The following GDAP2 variants were observed in gnomAD, a reference collection of about 807,000 sequenced individuals.
GDAP2 encodes ganglioside induced differentiation associated protein 2, also known as ganglioside-induced differentiation-associated protein 2.
Under a neutral mutation model 67.0 loss-of-function variants are expected in GDAP2, and 51 were observed. The observed-to-expected ratio is 0.76, with a 90% confidence interval of 0.61 to 0.96. GDAP2 has a LOEUF of 0.96. GDAP2 is among the 40% of genes least tolerant of loss of function. The pLI, the probability that GDAP2 is intolerant of heterozygous loss-of-function variation, is 0.00. For missense variants in GDAP2, 547 were observed against 588.3 expected (o/e 0.93, Z 0.73); for synonymous variants, 203 against 207.3 (o/e 0.98, Z 0.18).
chr1:117,899,777 G>C (rs567750718), intron 6 of GDAP2, among the ~76,000 whole-genome samples: 1 of 151,940 alleles, frequency 6.6e-6, no homozygotes, highest in Non-Finnish European at 1.5e-5. Flanking sequence ...ATACATTAAA[G>C]GCATGTAGTG....
chr1:117,870,214 GCAATGT>G lies in GDAP2; in HGVS notation c.*349_*354del. On this transcript the variant is annotated 3_prime_UTR_variant, in exon 14 of 14. Coordinates refer to ENST00000369443, the MANE Select transcript of GDAP2 (RefSeq NM_017686.4). ...TCACTTAAGTACACAAAGGAAGCGT[GCAATGT>G]TAGAGAGATGATGTGAACAGTCTTG... is the stretch of plus-strand genomic sequence containing the variant. 10 of 262,672 alleles carry G rather than the reference GCAATGT, an allele frequency of 3.8e-5. No individual in the cohort carries two copies. Among genetic ancestry groups the G allele is most frequent in the South Asian group, 1.1e-4 (2 of 17,396 alleles). The allele number at this position is 262,672 out of a possible 1,614,324, so 16.3% of individuals were successfully genotyped here.
intron 8 of GDAP2, among the ~76,000 whole-genome samples, chr1:117,890,520 C>T (rs975863241): frequency 1.1e-4 from 16 of 151,984 alleles, no homozygotes; most frequent in African/African-American, 2.7e-4. Flanking sequence ...TGAAAACACT[C>T]GCATAACTGG....
At chr1:117,924,461 C>A (rs984874961) in intron 1 of GDAP2, among the ~76,000 whole-genome samples, 1 of 152,156 alleles carries the variant, frequency 6.6e-6, no homozygotes, top group Non-Finnish European at 1.5e-5. Flanking sequence ...AGGACATGAT[C>A]TCATGAAGTT....
At chr1:117,901,713 G>A (rs1649476701) in intron 6 of GDAP2, among the ~76,000 whole-genome samples, 1 of 151,722 alleles carries the variant, frequency 6.6e-6, no homozygotes, top group South Asian at 2.1e-4. Context: ...ATTTTATCAT[G>A]TTTTCACATC....
intron 13 of GDAP2, among the ~76,000 whole-genome samples, chr1:117,872,293 A>G (rs764476181): frequency 3.3e-5 from 5 of 152,148 alleles, no homozygotes; most frequent in Non-Finnish European, 7.4e-5. Flanking sequence ...GATTCCTCAA[A>G]GATTTAGAAC....
intron 6 of GDAP2, among the ~76,000 whole-genome samples, chr1:117,900,014 A>G (rs1328329701): frequency 1.3e-5 from 2 of 152,180 alleles, no homozygotes; most frequent in Non-Finnish European, 2.9e-5. Context: ...CATCTTTTAA[A>G]TACATATATA....
intron 6 of GDAP2, among the ~76,000 whole-genome samples, chr1:117,903,999 T>A (rs1424312208): frequency 6.6e-6 from 1 of 151,790 alleles, no homozygotes; most frequent in Non-Finnish European, 1.5e-5. Context: ...TTTCTTTTTT[T>A]TTTTTTGAGA....
chr1:117,886,796 A>C (rs1365856026), intron 9 of GDAP2, 143 bp from the exon 10 acceptor site: 1 of 565,826 alleles, frequency 1.8e-6, no homozygotes, highest in East Asian at 2.8e-5. Context: ...TTCATCTTCC[A>C]ATTTTTTTTC....
At chr1:117,895,659 T>A (rs994740997) in intron 8 of GDAP2, among the ~76,000 whole-genome samples, 1 of 152,156 alleles carries the variant, frequency 6.6e-6, no homozygotes, top group African/African-American at 2.4e-5. Context: ...CCACTGAAAG[T>A]ATCATTTGAC....
intron 1 of GDAP2, among the ~76,000 whole-genome samples, chr1:117,928,088 G>A (rs938544505): frequency 1.3e-5 from 2 of 152,006 alleles, no homozygotes; most frequent in African/African-American, 4.8e-5. Flanking sequence ...AGTTTTTTAA[G>A]AAAAGGTAAA....
At chr1:117,876,525 C>G (rs1648460830) in intron 13 of GDAP2, among the ~76,000 whole-genome samples, 1 of 152,192 alleles carries the variant, frequency 6.6e-6, no homozygotes, top group Non-Finnish European at 1.5e-5. Flanking sequence ...TTATGCCTCT[C>G]TTTGATCTAA....
intron 1 of GDAP2, among the ~76,000 whole-genome samples, chr1:117,920,962 G>A (rs1357430406): frequency 6.6e-6 from 1 of 152,094 alleles, no homozygotes; most frequent in East Asian, 1.9e-4. Context: ...GGATGAACAG[G>A]AGTTGACAAT....
chr1:117,915,062 G>T (rs1570991636), intron 3 of GDAP2, among the ~76,000 whole-genome samples: 1 of 151,918 alleles, frequency 6.6e-6, no homozygotes, highest in Non-Finnish European at 1.5e-5. Context: ...ACCTTGGCAA[G>T]AAAAAAATGG....
chr1:117,872,466 T>G (rs977907007), intron 13 of GDAP2, among the ~76,000 whole-genome samples: 3 of 151,872 alleles, frequency 2.0e-5, no homozygotes. Flanking sequence ...ATAGACTAGA[T>G]AAAGAAAATA....
intron 8 of GDAP2, 88 bp downstream of exon 8, chr1:117,896,745 T>C (rs1649276847): frequency 2.5e-6 from 2 of 801,372 alleles, no homozygotes; most frequent in Non-Finnish European, 2.0e-6. Flanking sequence ...ATGCATTATA[T>C]ATACACGTAG....
In GDAP2 at chr1:117,863,504, C is replaced by G. The variant is rs1647964435; in HGVS notation, c.*7065G>C. 6.6e-6 allele frequency: 1 copy of G among 152,150 alleles called. No individual in the cohort carries two copies. The highest frequency in any genetic ancestry group is 2.1e-4 in the South Asian group (1 of 4,824). The allele number at this position is 152,150 out of a possible 1,614,324, so 9.4% of individuals were successfully genotyped here. ...GCCCAATGGTCTGAATATTCCTTTA[C>G]TGTAGCACAATCTGGCATGACTGCC... On this transcript the variant is annotated 3_prime_UTR_variant, in exon 14 of 14. Transcript: ENST00000369443.
chr1:117,906,011 A>T (rs1649644381), intron 6 of GDAP2, among the ~76,000 whole-genome samples: 1 of 152,220 alleles, frequency 6.6e-6, no homozygotes, highest in Non-Finnish European at 1.5e-5. Flanking sequence ...TCTAAAATAA[A>T]GTGTAATGAG....
rs571049548 is a variant in GDAP2 at position 117,904,016 on chromosome 1, C to T, written c.636+2490G>A. 6.1e-5 allele frequency among the ~76,000 whole-genome samples: 9 copies of T among 147,706 alleles called. No individual in the cohort carries two copies. In the South Asian group the frequency reaches 1.9e-3, roughly 32 times the overall value. On this transcript the variant is annotated intron_variant, in intron 6 of 13. Coordinates refer to ENST00000369443, the MANE Select transcript of GDAP2 (RefSeq NM_017686.4). ...TCTTTTTTTTTTTTTGAGACAGAGT[C>T]TTGCTCTGTCACCCCGACTAAAGTC...
intron 8 of GDAP2, among the ~76,000 whole-genome samples, chr1:117,888,856 C>T (rs1454528130): frequency 6.6e-6 from 1 of 152,208 alleles, no homozygotes; most frequent in East Asian, 1.9e-4. Flanking sequence ...CACCTTTCAG[C>T]TATAAAGTAC....
Sources: allele counts gnomAD v4.1 joint callset (sites outside exome capture counted in the v4.1 genomes callset), GRCh38; gene constraint gnomAD v4.1.1; transcripts MANE v1.5; gene names NCBI Gene and HGNC (gene_info 2026-07-23, HGNC 2026-07-21).